The following DNAH6 variants were observed in gnomAD, a reference collection of about 807,000 sequenced individuals.
The protein encoded by DNAH6 is axonemal beta dynein heavy chain 6.
A neutral mutation model predicts 491.4 loss-of-function variants in DNAH6; 340 were observed. The ratio of observed to expected loss-of-function variants is 0.69; its 90% confidence interval spans 0.63 to 0.76. The LOEUF (loss-of-function observed/expected upper bound fraction) is 0.76. Ranked by LOEUF, DNAH6 falls within the 30% of genes least tolerant of loss-of-function variation. The pLI, the probability that DNAH6 is intolerant of heterozygous loss-of-function variation, is 0.00. For missense variants in DNAH6, 4,443 were observed against 4,972.2 expected (o/e 0.89, Z 3.20); for synonymous variants, 1,603 against 1,686.1 (o/e 0.95, Z 1.21).
chr2:84,815,904 T>C lies in DNAH6; in HGVS notation c.12194T>C (p.Met4065Thr). 1 of 1,551,808 alleles carries C rather than the reference T, an allele frequency of 6.4e-7. No homozygotes were observed. The highest frequency in any genetic ancestry group is 8.7e-7 in the Non-Finnish European group (1 of 1,147,022). ...GGTGTTCTTGTTCATGGGATGTTCA[T>C]GGATGCTTCTCGATGGGATGATAAG... is the stretch of plus-strand genomic sequence containing the variant. The part of the protein sequence containing the change: ...EDGVLVHGMF[M>T]DASRWDDKEM... Residue 4065 changes from methionine (M) to threonine (T), a missense_variant, in exon 76 of 77, where the codon ATG becomes ACG. Met to Thr is a moderately conservative substitution (Grantham distance 81). Around this residue, in one of 3 missense-constraint regions of DNAH6, gnomAD observed 1,463 missense variants for 1,656.6 expected, o/e 0.88. Coordinates refer to ENST00000389394, the MANE Select transcript of DNAH6 (RefSeq NM_001370.2).
rs141339589 is a variant in DNAH6, at chr2:84,590,443, C to T, written c.2610+1489C>T. Among the ~76,000 whole-genome samples the T allele has an allele frequency of 3.1e-4, 43 of 140,174 alleles. No homozygotes were observed. In the East Asian group the frequency reaches 7.4e-3, roughly 24 times the overall value. 92.0% of individuals were successfully genotyped at this position (140,174 alleles called of 152,430 possible). On this transcript the variant is annotated intron_variant, in intron 16 of 76. Coordinates refer to ENST00000389394, the MANE Select transcript of DNAH6 (RefSeq NM_001370.2). Reference sequence around the variant, plus strand: ...CCAGGAGGTGGAGGTTGCAGTGAGCCGAGATCGTGCCACCGCACTCCAGCC... The same window carrying T: ...CCAGGAGGTGGAGGTTGCAGTGAGCTGAGATCGTGCCACCGCACTCCAGCC...
intron 44 of DNAH6, among the ~76,000 whole-genome samples, chr2:84,687,262 T>C (rs577471769): frequency 1.3e-5 from 2 of 152,258 alleles, no homozygotes; most frequent in African/African-American, 4.8e-5. Context: ...CAGATAGCCA[T>C]GTTGTTTTAC....
chr2:84,766,861 C>T (rs187310156), intron 64 of DNAH6, among the ~76,000 whole-genome samples: 418 of 152,218 alleles, frequency 2.7e-3, no homozygotes, highest in Admixed American at 5.8e-3. Context: ...GGAGGGGAGG[C>T]TGGTAAACCC....
intron 37 of DNAH6, among the ~76,000 whole-genome samples, chr2:84,665,172 C>T (rs1691967829): frequency 6.6e-6 from 1 of 151,460 alleles, no homozygotes; most frequent in Non-Finnish European, 1.5e-5. Flanking sequence ...GACACCCTAG[C>T]ATCACAATTA....
chr2:84,530,388 G>T (rs895962082), intron 4 of DNAH6, among the ~76,000 whole-genome samples: 2 of 152,110 alleles, frequency 1.3e-5, no homozygotes, highest in Admixed American at 1.3e-4. Context: ...GTGCAGTTAT[G>T]AGCATTCCAG....
intron 26 of DNAH6, among the ~76,000 whole-genome samples, chr2:84,623,965 G>C (rs1213977176): frequency 2.0e-5 from 3 of 152,128 alleles, no homozygotes; most frequent in Admixed American, 6.6e-5. Flanking sequence ...CTTTCCTCGA[G>C]GCAAATGTCT....
intron 70 of DNAH6, among the ~76,000 whole-genome samples, chr2:84,803,019 A>G (rs1679073216): frequency 6.6e-6 from 1 of 152,220 alleles, no homozygotes; most frequent in African/African-American, 2.4e-5. Flanking sequence ...AAATGAACAT[A>G]AGAGACCCAA....
At chr2:84,793,602 A>G (rs17025558) in intron 68 of DNAH6, among the ~76,000 whole-genome samples, 5 of 152,198 alleles carry the variant, frequency 3.3e-5, no homozygotes, top group Non-Finnish European at 7.3e-5. Context: ...GACCCACGAC[A>G]GAGATTTAAC....
intron 65 of DNAH6, among the ~76,000 whole-genome samples, chr2:84,783,826 GA>G: frequency 6.6e-6 from 1 of 152,226 alleles, no homozygotes; most frequent in Non-Finnish European, 1.5e-5. Flanking sequence ...TTGTGCTTTG[GA>G]AAAAATAAAA....
chr2:84,780,821 T>C (rs1159533153), intron 64 of DNAH6, among the ~76,000 whole-genome samples: 1 of 152,126 alleles, frequency 6.6e-6, no homozygotes, highest in Non-Finnish European at 1.5e-5. Flanking sequence ...GGCTTGACTG[T>C]GGTGTATGTT....
intron 71 of DNAH6, among the ~76,000 whole-genome samples, chr2:84,807,528 C>G (rs983658129): frequency 1.3e-5 from 2 of 152,160 alleles, no homozygotes; most frequent in Admixed American, 1.3e-4. Flanking sequence ...AACACTAAGT[C>G]TCTCTCCTGT....
chr2:84,776,242 G>A (rs988285274), intron 64 of DNAH6, among the ~76,000 whole-genome samples: 1 of 152,184 alleles, frequency 6.6e-6, no homozygotes, highest in African/African-American at 2.4e-5. Flanking sequence ...AGTTATATAA[G>A]ACACACTAAA....
At chr2:84,741,161 G>A (rs1672493048) in intron 62 of DNAH6, among the ~76,000 whole-genome samples, 1 of 152,090 alleles carries the variant, frequency 6.6e-6, no homozygotes, top group Non-Finnish European at 1.5e-5. Flanking sequence ...GGTATATATA[G>A]GAGAGCCTTG....
chr2:84,727,606 T>C, intron 60 of DNAH6, 63 bp from the exon 61 acceptor site: 3 of 1,062,414 alleles, frequency 2.8e-6, no homozygotes, highest in Non-Finnish European at 4.2e-6. Context: ...GGGAGACAGA[T>C]TTTTTGTTCT....
chr2:84,814,840 C>T lies in DNAH6; in HGVS notation c.12150+718C>T, dbSNP rs573772102. Among the ~76,000 whole-genome samples the T allele has an allele frequency of 2.6e-5, 4 of 152,340 alleles. No homozygotes were observed. The East Asian group carries it at 5.8e-4, about 22-fold the overall frequency. On this transcript the variant is annotated intron_variant, in intron 75 of 76. Transcript: ENST00000389394. Reference sequence around the variant, plus strand: ...TTCAGACTGTCTAACTGGCCTGTCTCCTGGCCCACCTAGCAAATGTCTGCC... The same window carrying T: ...TTCAGACTGTCTAACTGGCCTGTCTTCTGGCCCACCTAGCAAATGTCTGCC...
At chr2:84,749,030 A>G (rs1673216094) in intron 63 of DNAH6, among the ~76,000 whole-genome samples, 1 of 152,194 alleles carries the variant, frequency 6.6e-6, no homozygotes, top group Non-Finnish European at 1.5e-5. Flanking sequence ...ATATGAACTA[A>G]TAGAGTGAGA....
chr2:84,525,620 A>C lies in DNAH6; in HGVS notation c.281A>C (p.Asn94Thr). Residue 94 changes from asparagine to threonine, a missense_variant, in exon 3 of 77, where the codon AAC (asparagine) becomes ACC (threonine). Transcript: ENST00000389394. ...CAGCCAGAATACATACATGAACAGA[A>C]CCGATTTCAGTTAATGACTGCAGGA... ...HKQPEYIHEQ[N>T]RFQLMTAGII... 6.4e-7 allele frequency: 1 copy of C among 1,550,524 alleles called. No homozygotes were observed. Among genetic ancestry groups the C allele is most frequent in the African/African-American group, 1.4e-5 (1 of 73,092 alleles).
intron 18 of DNAH6, among the ~76,000 whole-genome samples, chr2:84,596,462 T>G (rs561759867): frequency 6.6e-6 from 1 of 152,082 alleles, no homozygotes; most frequent in Non-Finnish European, 1.5e-5. Context: ...TAGCTGGGAT[T>G]ATAGGCACCC....
chr2:84,630,738 GGGTTTTTCTTTGGGTA>G (rs1486662460), intron 29 of DNAH6, among the ~76,000 whole-genome samples: 18 of 152,160 alleles, frequency 1.2e-4, no homozygotes. Flanking sequence ...ATTAAGTAAT[GGGTTTTTCTTTGGGTA>G]GGTTAGCAGT....
Sources: allele counts gnomAD v4.1 joint callset (sites outside exome capture counted in the v4.1 genomes callset), GRCh38; gene constraint gnomAD v4.1.1; regional missense constraint gnomAD v4.1.1; transcripts MANE v1.5; gene names NCBI Gene and HGNC (gene_info 2026-07-23, HGNC 2026-07-21).